Variants in IL12RB1 observed in about 807,000 individuals in gnomAD.
IL12RB1 encodes the protein interleukin 12 receptor subunit beta 1.
A neutral mutation model predicts 94.4 loss-of-function variants in IL12RB1; 64 were observed. The ratio of observed to expected loss-of-function variants is 0.68; its 90% CI spans 0.55 to 0.83. The LOEUF (loss-of-function observed/expected upper bound fraction) is 0.83, where lower values mean the gene tolerates loss of function less well. IL12RB1 is among the 40% of genes least tolerant of loss of function. The pLI is 0.00. For synonymous variants in IL12RB1, 362 were observed against 355.5 expected (o/e 1.02, Z -0.21); for missense variants, 814 against 855.6 (o/e 0.95, Z 0.61).
intron 1 of IL12RB1, among the ~76,000 whole-genome samples, chr19:18,096,781 A>T (rs1382806300): frequency 6.6e-6 from 1 of 151,514 alleles, no homozygotes; most frequent in Non-Finnish European, 1.5e-5. Flanking sequence ...GGTTGCCGAG[A>T]TCATGCCACT....
chr19:18,089,716 G>C (rs571130871), upstream of IL12RB1, among the ~76,000 whole-genome samples: 1 of 152,084 alleles, frequency 6.6e-6, no homozygotes, highest in Non-Finnish European at 1.5e-5. Context: ...TGAGGAGGGA[G>C]AAGGAGAGGG....
chr19:18,068,037 T>C (rs2034720586), intron 11 of IL12RB1, among the ~76,000 whole-genome samples: 1 of 139,396 alleles, frequency 7.2e-6, no homozygotes, highest in African/African-American at 2.7e-5. Flanking sequence ...TTTTTTTTTT[T>C]TTTTTTGAGA....
At chr19:18,066,510 T>C (rs201996603) in intron 12 of IL12RB1, 32 bp downstream of exon 12, 1 of 1,544,182 alleles carries the variant, frequency 6.5e-7, no homozygotes, top group Admixed American at 1.7e-5. Flanking sequence ...CCTCCCTTCC[T>C]CCCCAAGCCA....
At chr19:18,098,891 C>T in exon 1 of IL12RB1, 1 of 440,540 alleles carries the variant, frequency 2.3e-6, no homozygotes, top group Non-Finnish European at 4.5e-6. Context: ...GGTGACCCCA[C>T]GGAGTGATCA....
upstream of IL12RB1, chr19:18,087,085 G>C (rs1292151490): frequency 1.6e-6 from 1 of 617,576 alleles, no homozygotes; most frequent in African/African-American, 1.8e-5. Context: ...GAGCAAGTCA[G>C]GGTTCTAGGG....
Position 18,080,789 on chromosome 19 carries a change from C to G in IL12RB1, c.409+43G>C, listed in dbSNP as rs148306269. 4.9e-5 allele frequency: 68 copies of G among 1,378,388 alleles called. No homozygotes were observed. In the African/African-American group the frequency reaches 9.3e-4, roughly 19 times the overall value. 85.4% of individuals were successfully genotyped at this position (1,378,388 alleles called of 1,614,324 possible). A position where few individuals can be genotyped will look rare whatever the true frequency, so the allele number is the denominator to read the frequency against. ...AGCTCCAGCCTTGCAGCCTGATGGC[C>G]TCTCTGGGTAAAAAACGGACGGGGG... On this transcript the variant is annotated intron_variant, in intron 4 of 16. Coordinates refer to ENST00000593993, the MANE Select transcript of IL12RB1 (RefSeq NM_005535.3).
intron 15 of IL12RB1, 102 bp from the exon 16 acceptor site, chr19:18,060,187 C>A (rs774203852): frequency 1.5e-6 from 1 of 663,826 alleles, no homozygotes; most frequent in Non-Finnish European, 2.7e-6. Flanking sequence ...TCTCTAACAT[C>A]CTGAGACCTG....
intron 1 of IL12RB1, among the ~76,000 whole-genome samples, chr19:18,095,137 C>T (rs545488894): frequency 7.4e-5 from 11 of 148,778 alleles, no homozygotes; most frequent in South Asian, 4.3e-4. Context: ...CAAGATCCCG[C>T]GACTGCACTC....
Position 18,059,947 on chromosome 19 carries a change from G to A in IL12RB1, c.1930C>T (p.Leu644=). The A allele has an allele frequency of 6.3e-7, 1 of 1,595,284 alleles. No individual in the cohort carries two copies. Among genetic ancestry groups the A allele is most frequent in the Non-Finnish European group, 8.5e-7 (1 of 1,170,592 alleles). The change falls in exon 16 of 17, where the codon CTG becomes TTG. Residue 644 remains leucine (L), a synonymous_variant. Transcript: ENST00000593993. ...KTELPEGAPE[L]ALDTELSLED... ...AAGGACAACTCTGTATCCAGGGCCAGCTCAGGGGCACCCTCAGGTAGCTCT... is the reference window on the plus strand; with the variant it reads ...AAGGACAACTCTGTATCCAGGGCCAACTCAGGGGCACCCTCAGGTAGCTCT...
intron 12 of IL12RB1, among the ~76,000 whole-genome samples, chr19:18,064,794 A>G (rs1568488978): frequency 6.6e-6 from 1 of 152,144 alleles, no homozygotes; most frequent in Non-Finnish European, 1.5e-5. Flanking sequence ...ATCTTTGGGC[A>G]GGTGGATCTG....
chr19:18,085,925 A>C (rs889920014), intron 1 of IL12RB1, among the ~76,000 whole-genome samples: 1 of 151,146 alleles, frequency 6.6e-6, no homozygotes, highest in East Asian at 2.0e-4. Flanking sequence ...TATTAAAAGT[A>C]TATGGGAAGG....
intron 1 of IL12RB1, among the ~76,000 whole-genome samples, chr19:18,093,510 C>G (rs1422153800): frequency 6.6e-6 from 1 of 151,918 alleles, no homozygotes; most frequent in East Asian, 1.9e-4. Flanking sequence ...GATGGAGCAG[C>G]GGATTTGAGA....
At chr19:18,094,434 A>G (rs989110077) in intron 1 of IL12RB1, among the ~76,000 whole-genome samples, 1 of 152,126 alleles carries the variant, frequency 6.6e-6, no homozygotes, top group African/African-American at 2.4e-5. Context: ...CGGCCAACAC[A>G]TTGTTGTTTA....
At chr19:18,064,992 T>C (rs997533809) in intron 12 of IL12RB1, among the ~76,000 whole-genome samples, 2 of 152,156 alleles carry the variant, frequency 1.3e-5, no homozygotes, top group Admixed American at 6.6e-5. Context: ...AACCCGGAAG[T>C]TACTACCTTC....
Position 18,066,574 on chromosome 19 carries a change from C to G in IL12RB1, c.1451G>C (p.Arg484Pro). The G allele has an allele frequency of 6.2e-7, 1 of 1,613,410 alleles. No individual in the cohort carries two copies. The highest frequency in any genetic ancestry group is 8.5e-7 in the Non-Finnish European group (1 of 1,179,600). The change falls in exon 12 of 17, where the codon CGC becomes CCC. Residue 484 changes from arginine to proline, a missense_variant. Arg to Pro is a moderately radical substitution (Grantham distance 103). Transcript: ENST00000593993. ...CPGVLKEYVVRCRDEDSKQVS... is the reference protein window; with the variant it reads ...CPGVLKEYVVPCRDEDSKQVS... ...CTGTTTGCTGTCTTCATCTCGGCAG[C>G]GGACAACATACTCCTTTAGGACGCC...
At chr19:18,072,028 T>A in intron 9 of IL12RB1, 84 bp downstream of exon 9, 1 of 979,140 alleles carries the variant, frequency 1.0e-6, no homozygotes, top group South Asian at 1.3e-5. Flanking sequence ...GCCTCGCTCC[T>A]CTCACCCTGG....
intron 9 of IL12RB1, chr19:18,071,012 GGAT>G (rs1228895082): frequency 5.2e-6 from 1 of 193,876 alleles, no homozygotes; most frequent in Middle Eastern, 2.2e-3. Flanking sequence ...TGAGGTGGGT[GGAT>G]CACCTGAGGG....
chr19:18,081,156 C>T (rs1490778170), intron 3 of IL12RB1, among the ~76,000 whole-genome samples, 155 bp from the exon 4 acceptor site: 4 of 152,086 alleles, frequency 2.6e-5, no homozygotes, highest in Admixed American at 6.6e-5. Context: ...AGTGCAGTCG[C>T]GCAATCTCGG....
chr19:18,098,544 G>A (rs372417344), intron 1 of IL12RB1, among the ~76,000 whole-genome samples: 6 of 152,134 alleles, frequency 3.9e-5, no homozygotes, highest in African/African-American at 1.2e-4. Flanking sequence ...TAGGGACACA[G>A]GCGTCGGGGA....
Sources: allele counts gnomAD v4.1 joint callset (sites outside exome capture counted in the v4.1 genomes callset), GRCh38; gene constraint gnomAD v4.1.1; transcripts MANE v1.5; gene names NCBI Gene and HGNC (gene_info 2026-07-23, HGNC 2026-07-21).